The following RNF182 variants were observed in gnomAD, a reference collection of about 807,000 sequenced individuals.
RNF182 encodes E3 ubiquitin-protein ligase RNF182.
RNF182 carries 15 observed loss-of-function variants against 14.4 expected under a neutral mutation model. That is an observed-to-expected ratio of 1.04 (90% CI 0.70 to 1.60). RNF182 has a LOEUF of 1.60. Among genes scored for constraint, RNF182 ranks in the 40% most tolerant of loss-of-function variants. RNF182 has a pLI of 0.00. For synonymous variants in RNF182, 128 were observed against 122.9 expected, an observed-to-expected ratio of 1.04 and a Z score of -0.27; for missense variants, 268 against 294.8, an observed-to-expected ratio of 0.91 and a Z score of 0.67.
chr6:13,933,882 G>T (rs1206813575), intron 1 of RNF182, among the ~76,000 whole-genome samples: 1 of 152,238 alleles, frequency 6.6e-6, no homozygotes. Context: ...GCTAGGCCTG[G>T]TGGCATGCGC....
chr6:13,961,861 TA>T (rs1282936605), intron 1 of RNF182, among the ~76,000 whole-genome samples: 2 of 152,076 alleles, frequency 1.3e-5, no homozygotes, highest in Non-Finnish European at 2.9e-5. Context: ...GGGTTATGGG[TA>T]TTGTGGGTTA....
chr6:13,925,847 G>C (rs907017777), intron 1 of RNF182, among the ~76,000 whole-genome samples: 1 of 152,176 alleles, frequency 6.6e-6, no homozygotes, highest in East Asian at 1.9e-4. Flanking sequence ...ACCACGATGC[G>C]GTTGCCACTG....
rs369108613 is a variant in RNF182, at chr6:13,944,411, C to G, written c.-367+19388C>G. Among the ~76,000 whole-genome samples the G allele has an allele frequency of 2.0e-5, 3 of 152,188 alleles. No homozygotes were observed. In the East Asian group the frequency reaches 5.8e-4, roughly 29 times the overall value. Reference sequence around the variant, plus strand: ...CCTGAGCTAGTGTTTGTTCAAATGTCTTAGTGTGGAGGGTTGATGAAATGG... The same window carrying G: ...CCTGAGCTAGTGTTTGTTCAAATGTGTTAGTGTGGAGGGTTGATGAAATGG... On this transcript the variant is annotated intron_variant, in intron 1 of 2. Coordinates refer to ENST00000488300, the MANE Select transcript of RNF182 (RefSeq NM_152737.4).
chr6:13,946,727 C>T (rs1358832538), intron 1 of RNF182, among the ~76,000 whole-genome samples: 1 of 152,132 alleles, frequency 6.6e-6, no homozygotes, highest in African/African-American at 2.4e-5. Flanking sequence ...TGACACATTT[C>T]CCCCCTCCCA....
chr6:13,964,101 T>C (rs1759952497), intron 1 of RNF182, among the ~76,000 whole-genome samples: 1 of 151,128 alleles, frequency 6.6e-6, no homozygotes, highest in Non-Finnish European at 1.5e-5. Flanking sequence ...AAAAAAAGAA[T>C]CATTATCTAA....
chr6:13,937,209 G>C (rs538749852), intron 1 of RNF182, among the ~76,000 whole-genome samples: 1 of 152,146 alleles, frequency 6.6e-6, no homozygotes, highest in African/African-American at 2.4e-5. Flanking sequence ...TGCACGAATC[G>C]TAAGGATATA....
chr6:13,964,223 G>A (rs1298416763), intron 1 of RNF182, among the ~76,000 whole-genome samples: 8 of 152,134 alleles, frequency 5.3e-5, no homozygotes, highest in Non-Finnish European at 1.2e-4. Flanking sequence ...TGAGTGTCCA[G>A]TTTATGGATT....
chr6:13,949,769 G>A (rs754107734), intron 1 of RNF182: 10 of 170,710 alleles, frequency 5.9e-5, no homozygotes, highest in Non-Finnish European at 1.0e-4. Context: ...TTGTACCAAC[G>A]AATAGGTAAA....
rs200937239 is a variant in RNF182, at chr6:13,946,140, C to CATTATTATTATTATT, written c.-367+21145_-367+21159dup. 6.2e-3 allele frequency among the ~76,000 whole-genome samples: 855 copies of CATTATTATTATTATT among 137,392 alleles called. 6 individuals carry two copies. Among genetic ancestry groups the CATTATTATTATTATT allele is most frequent in the East Asian group, 8.5e-3 (40 of 4,696 alleles). The allele number at this position is 137,392 out of a possible 152,430, so 90.1% of individuals were successfully genotyped here. Reference sequence around the variant, plus strand: ...AATCTGTATTATCTTTAAAGCAAAACATTATTATTATTATTATTATTATTA... The same window carrying CATTATTATTATTATT: ...AATCTGTATTATCTTTAAAGCAAAACATTATTATTATTATTATTATTATTATTATTATTATTATTA... On this transcript the variant is annotated intron_variant, in intron 1 of 2. Coordinates refer to ENST00000488300, the MANE Select transcript of RNF182 (RefSeq NM_152737.4).
intron 1 of RNF182, among the ~76,000 whole-genome samples, chr6:13,946,914 A>T (rs1464315212): frequency 1.3e-5 from 2 of 152,084 alleles, no homozygotes; most frequent in African/African-American, 2.4e-5. Flanking sequence ...GTCATTCAAA[A>T]CTCTGAGTCC....
intron 1 of RNF182, among the ~76,000 whole-genome samples, chr6:13,945,149 T>A (rs1759407662): frequency 6.6e-6 from 1 of 152,212 alleles, no homozygotes; most frequent in Admixed American, 6.5e-5. Context: ...AGCTGGAAGG[T>A]CTTTAGCCAT....
At chr6:13,946,781 A>C (rs1180644836) in intron 1 of RNF182, among the ~76,000 whole-genome samples, 1 of 152,118 alleles carries the variant, frequency 6.6e-6, no homozygotes, top group African/African-American at 2.4e-5. Context: ...GAGGGATAGA[A>C]ATTTATCTTC....
chr6:13,971,252 A>G (rs1760171734), intron 1 of RNF182, among the ~76,000 whole-genome samples: 1 of 152,132 alleles, frequency 6.6e-6, no homozygotes, highest in South Asian at 2.1e-4. Flanking sequence ...TTCTCATGAT[A>G]GTAAGTTCTC....
rs566683236 is a variant in RNF182, at chr6:13,936,187, G to A, written c.-367+11164G>A. 1.1e-4 allele frequency among the ~76,000 whole-genome samples: 17 copies of A among 152,254 alleles called. 1 individual carries two copies. The South Asian group carries it at 1.9e-3, about 17-fold the overall frequency. ...ATCTAATCACCTACCACCAGGCCCCGCCTCCAACATTGGGAATTACAATTC... is the reference window on the plus strand; with the variant it reads ...ATCTAATCACCTACCACCAGGCCCCACCTCCAACATTGGGAATTACAATTC... On this transcript the variant is annotated intron_variant, in intron 1 of 2. Transcript: ENST00000488300.
At chr6:13,961,876 T>C (rs1220876090) in intron 1 of RNF182, among the ~76,000 whole-genome samples, 5 of 152,192 alleles carry the variant, frequency 3.3e-5, no homozygotes. Context: ...TGGGTTAAAT[T>C]CTTCTAGAGT....
In RNF182 at chr6:13,977,424, C is replaced by T. The variant is rs753401748; in HGVS notation, c.305C>T (p.Pro102Leu). 1.2e-6 allele frequency: 2 copies of T among 1,614,170 alleles called. No homozygotes were observed. The highest frequency in any genetic ancestry group is 1.1e-5 in the South Asian group (1 of 91,084). Residue 102 changes from proline (P) to leucine (L), a missense_variant, in exon 3 of 3, where the codon CCA (proline) becomes CTA (leucine). Pro to Leu is a moderately conservative substitution (Grantham distance 98, BLOSUM62 -3). Transcript: ENST00000488300. ...TCGGKGKKCL[P>L]ENPTELLLTP... ...GGAGGCAAAGGGAAGAAGTGCCTGCCAGAGAACCCTACTGAGCTGCTGCTC... is the reference window on the plus strand; with the variant it reads ...GGAGGCAAAGGGAAGAAGTGCCTGCTAGAGAACCCTACTGAGCTGCTGCTC...
intron 1 of RNF182, among the ~76,000 whole-genome samples, chr6:13,950,366 G>A (rs1759556888): frequency 6.6e-6 from 1 of 152,088 alleles, no homozygotes; most frequent in South Asian, 2.1e-4. Context: ...TATAAAAAAT[G>A]TCATAGAAGC....
intron 1 of RNF182, among the ~76,000 whole-genome samples, chr6:13,939,337 C>T (rs1172918029): frequency 1.3e-5 from 2 of 151,934 alleles, no homozygotes; most frequent in Non-Finnish European, 2.9e-5. Flanking sequence ...AATCAATGAA[C>T]ACAATATAGC....
intron 1 of RNF182, among the ~76,000 whole-genome samples, chr6:13,937,439 TATG>T (rs1172793032): frequency 6.6e-6 from 1 of 152,264 alleles, no homozygotes; most frequent in East Asian, 1.9e-4. Context: ...TGTGTGTGTG[TATG>T]ATAGCTTTCA....
Sources: allele counts gnomAD v4.1 joint callset (sites outside exome capture counted in the v4.1 genomes callset), GRCh38; gene constraint gnomAD v4.1.1; transcripts MANE v1.5; gene names NCBI Gene and HGNC (gene_info 2026-07-23, HGNC 2026-07-21).